Variants in SUPT3H observed in about 807,000 individuals in gnomAD.
SUPT3H encodes the protein SPT3 homolog, SAGA and STAGA complex component, also known as transcription initiation protein SPT3 homolog.
Under a neutral mutation model 44.3 loss-of-function variants are expected in SUPT3H, and 44 were observed. That is an observed-to-expected ratio of 0.99 (90% CI 0.78 to 1.28). The LOEUF (loss-of-function observed/expected upper bound fraction) is 1.28. SUPT3H is among the 50% of genes most tolerant of loss of function. The probability of loss-of-function intolerance (pLI) is 0.00; values close to 1 mark genes in which losing one functional copy is unlikely to be tolerated. For synonymous variants in SUPT3H, 124 were observed against 125.6 expected, an observed-to-expected ratio of 0.99 and a Z score of 0.09; for missense variants, 380 against 387.1, an observed-to-expected ratio of 0.98 and a Z score of 0.15.
At chr6:45,202,618 G>A (rs1323045081) in intron 2 of SUPT3H, among the ~76,000 whole-genome samples, 1 of 151,910 alleles carries the variant, frequency 6.6e-6, no homozygotes, top group African/African-American at 2.4e-5. Flanking sequence ...CTAGTCATTA[G>A]CGTCAAAAAA....
At chr6:45,195,166 A>G (rs2153621456) in intron 2 of SUPT3H, among the ~76,000 whole-genome samples, 1 of 152,310 alleles carries the variant, frequency 6.6e-6, no homozygotes. Flanking sequence ...AGCTTAATAC[A>G]AAATAATGGC....
intron 3 of SUPT3H, among the ~76,000 whole-genome samples, chr6:45,073,627 A>G (rs1794665016): frequency 1.3e-5 from 2 of 152,012 alleles, no homozygotes; most frequent in Admixed American, 6.6e-5. Flanking sequence ...TTATGCTACT[A>G]TATCTAATAC....
chr6:45,165,254 G>A (rs1562587962), intron 2 of SUPT3H, among the ~76,000 whole-genome samples: 1 of 152,148 alleles, frequency 6.6e-6, no homozygotes, highest in Non-Finnish European at 1.5e-5. Context: ...CCCATACTAA[G>A]CACAAGGTAA....
intron 2 of SUPT3H, among the ~76,000 whole-genome samples, chr6:45,282,715 A>G (rs1778387016): frequency 6.6e-6 from 1 of 152,164 alleles, no homozygotes; most frequent in Admixed American, 6.5e-5. Flanking sequence ...CCAACATGCA[A>G]AGTCAGGAAA....
At chr6:44,924,299 G>A (rs1769191916) in intron 10 of SUPT3H, among the ~76,000 whole-genome samples, 1 of 151,894 alleles carries the variant, frequency 6.6e-6, no homozygotes, top group African/African-American at 2.4e-5. Flanking sequence ...TCAATGCTGT[G>A]CAATTAAAAA....
At chr6:44,874,839 C>G (rs1380988496) in intron 10 of SUPT3H, among the ~76,000 whole-genome samples, 1 of 144,740 alleles carries the variant, frequency 6.9e-6, no homozygotes, top group Non-Finnish European at 1.5e-5. Flanking sequence ...AAATCACAAG[C>G]ATTCTTATAC....
chr6:45,143,161 A>G (rs1336573432), intron 2 of SUPT3H, among the ~76,000 whole-genome samples: 1 of 152,172 alleles, frequency 6.6e-6, no homozygotes, highest in Non-Finnish European at 1.5e-5. Flanking sequence ...TCAAGACAGC[A>G]AATCGACATA....
At chr6:45,067,794 A>T (rs1397707268) in intron 3 of SUPT3H, among the ~76,000 whole-genome samples, 5 of 143,928 alleles carry the variant, frequency 3.5e-5, no homozygotes, top group Admixed American at 6.9e-5. Context: ...AATGGCAATC[A>T]TTAAAAAGTC....
intron 3 of SUPT3H, among the ~76,000 whole-genome samples, chr6:45,075,398 T>C (rs1794882309): frequency 6.6e-6 from 1 of 152,086 alleles, no homozygotes; most frequent in Non-Finnish European, 1.5e-5. Context: ...TTGTGAGCAA[T>C]ACTTAGGTTT....
intron 2 of SUPT3H, chr6:45,321,785 C>T: frequency 6.3e-7 from 1 of 1,585,168 alleles, no homozygotes; most frequent in East Asian, 2.3e-5. Flanking sequence ...ACACAATTTC[C>T]CACTACTTAC....
intron 10 of SUPT3H, among the ~76,000 whole-genome samples, chr6:44,889,530 A>G (rs1762926611): frequency 6.6e-6 from 1 of 152,226 alleles, no homozygotes; most frequent in Non-Finnish European, 1.5e-5. Context: ...CCTATTTAAT[A>G]AATGGTGCTG....
At chr6:45,184,277 A>T (rs1412502638) in intron 2 of SUPT3H, among the ~76,000 whole-genome samples, 3 of 152,188 alleles carry the variant, frequency 2.0e-5, no homozygotes, top group African/African-American at 7.2e-5. Flanking sequence ...AAAAATGGCT[A>T]AATTATAAAT....
At chr6:44,945,163 A>C (rs1773141480) in intron 9 of SUPT3H, among the ~76,000 whole-genome samples, 1 of 152,026 alleles carries the variant, frequency 6.6e-6, no homozygotes, top group South Asian at 2.1e-4. Flanking sequence ...GGCGCCACGA[A>C]CTGTATTCAT....
At chr6:45,272,838 A>G (rs1238758888) in intron 2 of SUPT3H, among the ~76,000 whole-genome samples, 1 of 152,206 alleles carries the variant, frequency 6.6e-6, no homozygotes, top group Non-Finnish European at 1.5e-5. Context: ...GTCAACAAGC[A>G]AAACGCCTCA....
rs1763560979 is a variant in SUPT3H, at chr6:45,208,540, A to G, written c.102-102534T>C. ...GGAGATTGAGACCATCCTGGCCAAC[A>G]TGGTGAAACCCTGTCCCTACTAAAG... On this transcript the variant is annotated intron_variant, in intron 2 of 10. Coordinates refer to ENST00000371459, the MANE Select transcript of SUPT3H (RefSeq NM_003599.4). 2.0e-5 allele frequency among the ~76,000 whole-genome samples: 3 copies of G among 152,142 alleles called. No homozygotes were observed. In the South Asian group the frequency reaches 6.2e-4, roughly 31 times the overall value.
intron 2 of SUPT3H, among the ~76,000 whole-genome samples, chr6:45,344,157 A>C (rs1350247681): frequency 6.6e-6 from 1 of 152,224 alleles, no homozygotes; most frequent in East Asian, 1.9e-4. Context: ...AAAGAGAAAG[A>C]ACATCCACTA....
intron 10 of SUPT3H, among the ~76,000 whole-genome samples, chr6:44,912,381 G>C (rs1349506584): frequency 6.6e-6 from 1 of 151,994 alleles, no homozygotes; most frequent in Non-Finnish European, 1.5e-5. Flanking sequence ...TATTTTCAAG[G>C]TTTATCCATG....
chr6:45,076,821 G>A (rs1051717500), intron 3 of SUPT3H, among the ~76,000 whole-genome samples: 11 of 152,094 alleles, frequency 7.2e-5, no homozygotes, highest in Admixed American at 5.2e-4. Flanking sequence ...TTTCCTAGCA[G>A]GGCCCCCTAG....
chr6:45,347,983 C>A (rs929491754), intron 2 of SUPT3H, among the ~76,000 whole-genome samples: 1 of 152,006 alleles, frequency 6.6e-6, no homozygotes, highest in African/African-American at 2.4e-5. Context: ...CTTTTACAAT[C>A]AGAGAAAGTT....
Sources: gnomAD v4.1 joint callset for allele counts (sites outside exome capture counted in the v4.1 genomes callset) on GRCh38, gnomAD v4.1.1 for gene constraint, MANE v1.5 for transcripts, NCBI Gene and HGNC (gene_info 2026-07-23, HGNC 2026-07-21) for gene names.